ABCA9: variants seen among roughly 807,000 people sequenced by gnomAD.
ABCA9 encodes the protein ATP-binding cassette sub-family A member 9.
ABCA9 carries 183 observed loss-of-function variants against 205.3 expected under a neutral mutation model. That is an observed-to-expected ratio of 0.89 (90% CI 0.79 to 1.01). The LOEUF (loss-of-function observed/expected upper bound fraction) is 1.01, where lower values mean the gene tolerates loss of function less well. Among genes scored for constraint, ABCA9 ranks in the 50% least tolerant of loss-of-function variants. The pLI, the probability that ABCA9 is intolerant of heterozygous loss-of-function variation, is 0.00. For synonymous variants in ABCA9, 651 were observed against 683.3 expected, an observed-to-expected ratio of 0.95 and a Z score of 0.74; for missense variants, 1,805 against 1,912.4, an observed-to-expected ratio of 0.94 and a Z score of 1.05.
intron 25 of ABCA9, among the ~76,000 whole-genome samples, chr17:69,003,889 CT>C (rs2069991722): frequency 6.6e-6 from 1 of 152,206 alleles, no homozygotes; most frequent in Admixed American, 6.5e-5. Flanking sequence ...CGCTGATACC[CT>C]TTCTTCCAGT....
At chr17:68,979,371 T>C (rs1231920822) in intron 37 of ABCA9, among the ~76,000 whole-genome samples, 2 of 152,198 alleles carry the variant, frequency 1.3e-5, no homozygotes, top group African/African-American at 4.8e-5. Context: ...AGGTAATTTA[T>C]AGATTCAATG....
At chr17:69,018,034 G>A in intron 20 of ABCA9, 2 of 448,868 alleles carry the variant, frequency 4.5e-6, no homozygotes, top group Non-Finnish European at 7.8e-6. Context: ...AAGAATTGCT[G>A]TTAACATTAT....
intron 26 of ABCA9, among the ~76,000 whole-genome samples, chr17:68,995,441 A>G (rs2069586226): frequency 1.3e-5 from 2 of 152,140 alleles, no homozygotes; most frequent in Admixed American, 1.3e-4. Flanking sequence ...CGCGTAGGTC[A>G]TATTATTGTC....
intron 1 of ABCA9, among the ~76,000 whole-genome samples, chr17:69,060,213 A>G (rs1326308884): frequency 6.6e-6 from 1 of 152,192 alleles, no homozygotes; most frequent in African/African-American, 2.4e-5. Flanking sequence ...AATATAAAAC[A>G]TCTAATTAGC....
At chr17:69,066,027 G>A in the ABCA9 span, among the ~76,000 whole-genome samples, 7 of 152,170 alleles carry the variant, frequency 4.6e-5, no homozygotes, top group African/African-American at 1.7e-4. Flanking sequence ...ACCATGAACT[G>A]TGAATCAATT....
In ABCA9 at chr17:69,051,107, C is replaced by T. The variant is rs192958871; in HGVS notation, c.20G>A (p.Ser7Asn). The stretch of plus-strand genomic sequence containing the variant: ...AAGAGCCCATGTTTGCTGACCCACG[C>T]TCATGCGTCTCTTGCTCATTTTGAC... The part of the protein sequence containing the change: MSKRRM[S>N]VGQQTWALLC... Residue 7 changes from serine to asparagine, a missense_variant, in exon 2 of 39, where the codon AGC becomes AAC. By Grantham distance (46) the Ser-to-Asn change is conservative. Transcript: ENST00000340001. 14 of 1,613,606 alleles carry T rather than the reference C, an allele frequency of 8.7e-6. No homozygotes were observed. The African/African-American group carries it at 1.9e-4, about 22-fold the overall frequency.
intron 1 of ABCA9, among the ~76,000 whole-genome samples, chr17:69,052,623 G>C (rs1277827973): frequency 6.6e-6 from 1 of 152,140 alleles, no homozygotes; most frequent in Non-Finnish European, 1.5e-5. Context: ...AAATGCTTGG[G>C]TTTTCCCCAC....
intron 15 of ABCA9, 102 bp from the exon 16 acceptor site, chr17:69,026,569 C>T (rs1197790426): frequency 3.8e-6 from 4 of 1,057,998 alleles, no homozygotes; most frequent in East Asian, 2.4e-5. Context: ...GCATGACACA[C>T]TAAAATAGAT....
intron 23 of ABCA9, among the ~76,000 whole-genome samples, chr17:69,008,585 G>C (rs1232324395): frequency 6.6e-6 from 1 of 152,198 alleles, no homozygotes; most frequent in Non-Finnish European, 1.5e-5. Context: ...ACAGAAGTAG[G>C]ATTACCATTT....
chr17:69,018,658 A>G, intron 19 of ABCA9, 79 bp from the exon 20 acceptor site: 2 of 1,029,216 alleles, frequency 1.9e-6, no homozygotes, highest in Non-Finnish European at 2.8e-6. Context: ...TATAATGAAT[A>G]TAATAACAGA....
At chr17:68,995,759 A>G (rs1419054638) in intron 26 of ABCA9, 136 bp downstream of exon 26, 8 of 1,175,020 alleles carry the variant, frequency 6.8e-6, no homozygotes, top group African/African-American at 6.1e-5. Context: ...ATGCGTGGCA[A>G]GAGAACTGAC....
At chr17:69,077,635 C>G in the ABCA9 span, among the ~76,000 whole-genome samples, 1 of 152,148 alleles carries the variant, frequency 6.6e-6, no homozygotes, top group African/African-American at 2.4e-5. Context: ...GTTTGGCTCT[C>G]TAAGTCTTTT....
chr17:69,026,927 C>T (rs777986294), intron 15 of ABCA9, 49 bp downstream of exon 15: 1 of 1,599,556 alleles, frequency 6.3e-7, no homozygotes, highest in Admixed American at 1.7e-5. Flanking sequence ...TCATATTCCA[C>T]ACTGTCTCTA....
At chr17:69,040,594 A>G (rs2071499087) in intron 6 of ABCA9, among the ~76,000 whole-genome samples, 1 of 152,196 alleles carries the variant, frequency 6.6e-6, no homozygotes, top group African/African-American at 2.4e-5. Flanking sequence ...TAGGAGAAAT[A>G]TCTAATGCAT....
chr17:69,052,356 CAG>C (rs2071933904), intron 1 of ABCA9, among the ~76,000 whole-genome samples: 1 of 151,970 alleles, frequency 6.6e-6, no homozygotes, highest in Non-Finnish European at 1.5e-5. Context: ...GCCTGGGTGA[CAG>C]AGAGAGACTC....
chr17:69,047,927 C>T (rs2071774229), intron 3 of ABCA9, among the ~76,000 whole-genome samples: 2 of 152,190 alleles, frequency 1.3e-5, no homozygotes, highest in Non-Finnish European at 2.9e-5. Flanking sequence ...AAATAAAATC[C>T]TCCTGTTCCA....
Position 69,009,376 on chromosome 17 carries a change from G to T in ABCA9, c.3148-1141C>A, listed in dbSNP as rs2070286049. Reference sequence around the variant, plus strand: ...GGTGACCGGTCAGAAAGCACTGTGGGCAGAGAGAACAGCAGGAGAGAAGAC... The same window carrying T: ...GGTGACCGGTCAGAAAGCACTGTGGTCAGAGAGAACAGCAGGAGAGAAGAC... On this transcript the variant is annotated intron_variant, in intron 23 of 38. Coordinates refer to ENST00000340001, the MANE Select transcript of ABCA9 (RefSeq NM_080283.4). Among the ~76,000 whole-genome samples, 3 of 152,140 alleles carry T rather than the reference G, an allele frequency of 2.0e-5. No individual in the cohort carries two copies. In the South Asian group the frequency reaches 6.2e-4, roughly 31 times the overall value.
the ABCA9 span, among the ~76,000 whole-genome samples, chr17:69,068,371 T>C: frequency 6.6e-6 from 1 of 152,204 alleles, no homozygotes; most frequent in Non-Finnish European, 1.5e-5. Flanking sequence ...TGTAAGATAA[T>C]AGCAAAATCT....
In ABCA9 at chr17:69,015,970, TG is replaced by T. The variant is rs1349089281; in HGVS notation, c.3039+282del. On this transcript the variant is annotated intron_variant, in intron 22 of 38. Transcript: ENST00000340001. ...TAATATTGTGTGGTCAATTCTAAAT[TG>T]TGTGTGTGTGTGTGTGTGTGTGTGT... 1.5e-3 allele frequency among the ~76,000 whole-genome samples: 23 copies of T among 15,230 alleles called. 1 individual carries two copies. Among genetic ancestry groups the T allele is most frequent in the Admixed American group, 7.7e-3 (15 of 1,956 alleles). The allele number at this position is 15,230 out of a possible 152,430, so 10.0% of individuals were successfully genotyped here. A position where few individuals can be genotyped will look rare whatever the true frequency, so the allele number is the denominator to read the frequency against.
Sources: gnomAD v4.1 joint callset for allele counts (sites outside exome capture counted in the v4.1 genomes callset) on GRCh38, gnomAD v4.1.1 for gene constraint, MANE v1.5 for transcripts, NCBI Gene and HGNC (gene_info 2026-07-23, HGNC 2026-07-21) for gene names.